The following HOOK3 variants were observed in gnomAD, a reference collection of about 807,000 sequenced individuals.
HOOK3 encodes hook microtubule tethering protein 3, also known as protein Hook homolog 3.
In HOOK3, 24 loss-of-function variants were observed where a neutral mutation model predicts 116.3. The ratio of observed to expected loss-of-function variants is 0.21; its 90% CI spans 0.15 to 0.29. HOOK3 has a LOEUF of 0.29. HOOK3 is among the 10% of genes least tolerant of loss of function. The pLI, the probability that HOOK3 is intolerant of heterozygous loss-of-function variation, is 1.00. For missense variants in HOOK3, 632 were observed against 830.2 expected, an observed-to-expected ratio of 0.76 and a Z score of 2.93; for synonymous variants, 275 against 283.0, an observed-to-expected ratio of 0.97 and a Z score of 0.28.
In HOOK3 at chr8:42,964,246, C is replaced by A. The variant is rs184491849; in HGVS notation, c.616-65C>A. 1,520 of 1,477,040 alleles carry A rather than the reference C, an allele frequency of 1.0e-3. 3 individuals are homozygous for A. Among genetic ancestry groups the A allele is most frequent in the Non-Finnish European group, 1.3e-3 (1,374 of 1,065,464 alleles). 91.5% of individuals were successfully genotyped at this position (1,477,040 alleles called of 1,614,324 possible). On this transcript the variant is annotated intron_variant, in intron 8 of 21. Transcript: ENST00000307602. ...GGCTTTAATTTGTAATGGTAATTCA[C>A]AAGTGATTGAGCTGATGCCAGTGTA...
intron 10 of HOOK3, 31 bp downstream of exon 10, chr8:42,966,644 G>C: frequency 6.2e-7 from 1 of 1,605,362 alleles, no homozygotes; most frequent in Non-Finnish European, 8.5e-7. Flanking sequence ...GCCCAGCACA[G>C]TTTGGCTCTG....
At chr8:42,941,973 A>G (rs1224728138) in intron 4 of HOOK3, among the ~76,000 whole-genome samples, 1 of 152,122 alleles carries the variant, frequency 6.6e-6, no homozygotes, top group African/African-American at 2.4e-5. Flanking sequence ...TAAAATACCA[A>G]TCTTGGCCAG....
intron 2 of HOOK3, among the ~76,000 whole-genome samples, chr8:42,907,431 G>C (rs1299155593): frequency 6.6e-6 from 1 of 152,120 alleles, no homozygotes; most frequent in Non-Finnish European, 1.5e-5. Context: ...TAGGCACACA[G>C]ATTTTTTAAT....
intron 2 of HOOK3, among the ~76,000 whole-genome samples, chr8:42,923,262 A>G (rs1039422814): frequency 6.6e-6 from 1 of 152,234 alleles, no homozygotes; most frequent in Non-Finnish European, 1.5e-5. Flanking sequence ...GATGCAAAAT[A>G]TAGCTGCTTT....
At chr8:42,950,709 G>A (rs1049437843) in intron 6 of HOOK3, among the ~76,000 whole-genome samples, 8 of 148,086 alleles carry the variant, frequency 5.4e-5, no homozygotes, top group Non-Finnish European at 8.9e-5. Flanking sequence ...TTTTTGAGAC[G>A]GAGTCTCACT....
At position 43,020,829 on chromosome 8, in the gene HOOK3, A is replaced by G. The variant is rs139230267; in HGVS notation, c.*2331A>G. 0.014 allele frequency: 2,639 copies of G among 184,344 alleles called. 37 individuals carry two copies. Among genetic ancestry groups the G allele is most frequent in the Non-Finnish European group, 0.021 (1,840 of 86,972 alleles). The allele number at this position is 184,344 out of a possible 1,614,324, so 11.4% of individuals were successfully genotyped here. A position where few individuals can be genotyped will look rare whatever the true frequency, so the allele number is the denominator to read the frequency against. On this transcript the variant is annotated 3_prime_UTR_variant, in exon 22 of 22. Transcript: ENST00000307602. ...ATGGATGAAAACAACAGCCAGGTGC[A>G]GTGGCTCACGCGTATAATCCCAGCA...
At chr8:42,905,295 C>CTTT (rs757313100) in intron 1 of HOOK3, among the ~76,000 whole-genome samples, 880 of 60,828 alleles carry the variant, frequency 0.014, 10 homozygotes, top group Non-Finnish European at 0.025. Context: ...GGACATAGTT[C>CTTT]TTTTTTTTTT....
chr8:42,945,281 A>G (rs1808204795), intron 5 of HOOK3, among the ~76,000 whole-genome samples: 1 of 152,178 alleles, frequency 6.6e-6, no homozygotes, highest in Non-Finnish European at 1.5e-5. Flanking sequence ...CATAAGTTTT[A>G]CATATAGTAT....
At chr8:42,974,323 C>T in intron 13 of HOOK3, 129 bp downstream of exon 13, 2 of 588,608 alleles carry the variant, frequency 3.4e-6, no homozygotes, top group South Asian at 2.1e-5. Context: ...CTCCTGGAAC[C>T]TCTGCCTCCT....
intron 16 of HOOK3, chr8:43,000,179 T>A: frequency 1.3e-6 from 1 of 766,000 alleles, no homozygotes; most frequent in Non-Finnish European, 1.9e-6. Flanking sequence ...TTACTTCTGT[T>A]CATGAATTAC....
At chr8:42,934,468 G>A (rs180709319) in intron 4 of HOOK3, among the ~76,000 whole-genome samples, 4 of 151,906 alleles carry the variant, frequency 2.6e-5, no homozygotes, top group African/African-American at 7.2e-5. Flanking sequence ...AGCTATACAC[G>A]TGCCATGGTG....
At position 43,007,118 on chromosome 8, in the gene HOOK3, C is replaced by T. The variant is rs566851861; in HGVS notation, c.1656-729C>T. 2.7e-5 allele frequency among the ~76,000 whole-genome samples: 4 copies of T among 150,144 alleles called. No homozygotes were observed. In the South Asian group the frequency reaches 8.5e-4, roughly 32 times the overall value. ...CTTGGCTCACTGCAACCTCTGCCTC[C>T]CAGGTTCAAGCGATTCTCCCTCCCA... On this transcript the variant is annotated intron_variant, in intron 17 of 21. Coordinates refer to ENST00000307602, the MANE Select transcript of HOOK3 (RefSeq NM_032410.4).
At chr8:42,955,633 C>G (rs991632605) in intron 6 of HOOK3, among the ~76,000 whole-genome samples, 12 of 151,972 alleles carry the variant, frequency 7.9e-5, no homozygotes, top group African/African-American at 2.9e-4. Flanking sequence ...AAATCAACTG[C>G]GTTCACTATC....
intron 5 of HOOK3, among the ~76,000 whole-genome samples, chr8:42,946,763 C>CTTTTTTTTTTTTTTTTTTTTTTTTTTTTT (rs34564365): frequency 1.4e-5 from 1 of 73,930 alleles, no homozygotes; most frequent in Non-Finnish European, 2.5e-5. Flanking sequence ...CTCTTTCTTT[C>CTTTTTTTTTTTTTTTTTTTTTTTTTTTTT]TTTTTTTTTT....
At chr8:42,907,839 A>T (rs1406782105) in intron 2 of HOOK3, among the ~76,000 whole-genome samples, 1 of 144,378 alleles carries the variant, frequency 6.9e-6, no homozygotes. Flanking sequence ...AAAAAAAAAA[A>T]CAGTAAAAGG....
At chr8:42,974,344 G>A (rs544500891) in intron 13 of HOOK3, 150 bp downstream of exon 13, 14 of 542,648 alleles carry the variant, frequency 2.6e-5, no homozygotes, top group Admixed American at 6.1e-5. Flanking sequence ...GGATTCAAGC[G>A]ATTCTCCTGC....
Position 42,897,023 on chromosome 8 carries a change from G to T in HOOK3, c.-109G>T. 3 of 776,954 alleles carry T rather than the reference G, an allele frequency of 3.9e-6. No homozygotes were observed. Among genetic ancestry groups the T allele is most frequent in the South Asian group, 1.3e-4 (2 of 15,302 alleles). 48.1% of individuals were successfully genotyped at this position (776,954 alleles called of 1,614,324 possible). On this transcript the variant is annotated 5_prime_UTR_variant, in exon 1 of 22. Transcript: ENST00000307602. ...GCGAGAGTCGGCGGCCGGATCCGAG[G>T]AGCAGGCGGGCCTGAGGCCGAGTCA...
chr8:42,997,795 A>C (rs570844673), intron 16 of HOOK3, 158 bp downstream of exon 16: 3 of 601,200 alleles, frequency 5.0e-6, no homozygotes, highest in Admixed American at 4.8e-5. Flanking sequence ...CCTTATAAAA[A>C]GGACCAGATA....
At chr8:42,923,909 T>G (rs1192795116) in intron 2 of HOOK3, among the ~76,000 whole-genome samples, 1 of 152,246 alleles carries the variant, frequency 6.6e-6, no homozygotes, top group Admixed American at 6.5e-5. Context: ...ATAACAGATT[T>G]GTATAGAGGT....
Sources: allele counts gnomAD v4.1 joint callset (sites outside exome capture counted in the v4.1 genomes callset), GRCh38; gene constraint gnomAD v4.1.1; transcripts MANE v1.5; gene names NCBI Gene and HGNC (gene_info 2026-07-23, HGNC 2026-07-21).